The following RBFOX1 variants were observed in gnomAD, a reference collection of about 807,000 sequenced individuals.
RBFOX1 encodes RNA binding protein fox-1 homolog 1.
RBFOX1 carries 8 observed loss-of-function variants against 57.7 expected under a neutral mutation model. The ratio of observed to expected loss-of-function variants is 0.14; its 90% CI spans 0.08 to 0.25. The LOEUF (loss-of-function observed/expected upper bound fraction) is 0.25, where lower values mean the gene tolerates loss of function less well. RBFOX1 is among the 10% of genes least tolerant of loss of function. The probability of loss-of-function intolerance (pLI) is 1.00; values close to 1 mark genes in which losing one functional copy is unlikely to be tolerated. For synonymous variants in RBFOX1, 326 were observed against 222.4 expected (o/e 1.47, Z -4.15); for missense variants, 611 against 548.5 (o/e 1.11, Z -1.14).
intron 4 of RBFOX1, among the ~76,000 whole-genome samples, chr16:5,966,729 T>G (rs930670854): frequency 1.3e-5 from 2 of 152,090 alleles, no homozygotes; most frequent in Non-Finnish European, 2.9e-5. Flanking sequence ...GCTAAAATCA[T>G]TCACAAGAAA....
intron 2 of RBFOX1, among the ~76,000 whole-genome samples, chr16:5,526,490 T>C (rs1162338521): frequency 6.6e-6 from 1 of 152,124 alleles, no homozygotes; most frequent in Admixed American, 6.6e-5. Flanking sequence ...GGTTTTACCA[T>C]GTTGACCAGG....
At chr16:6,525,879 C>A (rs1488059790) in intron 2 of RBFOX1, among the ~76,000 whole-genome samples, 1 of 151,998 alleles carries the variant, frequency 6.6e-6, no homozygotes, top group East Asian at 1.9e-4. Context: ...GAAGTAGACA[C>A]AAACATTCAG....
At chr16:7,416,443 G>T (rs1423393077) in intron 4 of RBFOX1, among the ~76,000 whole-genome samples, 10 of 152,146 alleles carry the variant, frequency 6.6e-5, no homozygotes, top group Admixed American at 5.9e-4. Flanking sequence ...CCCAACCTCT[G>T]CTGATTGTTA....
At chr16:6,214,805 G>C (rs2097323613) in intron 1 of RBFOX1, among the ~76,000 whole-genome samples, 1 of 100,768 alleles carries the variant, frequency 9.9e-6, no homozygotes, top group South Asian at 4.9e-4. Flanking sequence ...GAGGGAGAGG[G>C]ACAGGGAGAG....
At chr16:7,513,231 C>A (rs969359702) in intron 4 of RBFOX1, among the ~76,000 whole-genome samples, 1 of 151,640 alleles carries the variant, frequency 6.6e-6, no homozygotes, top group Non-Finnish European at 1.5e-5. Flanking sequence ...CCATTGCACT[C>A]CAGCTTGGGT....
chr16:6,744,099 T>A (rs1221770356), intron 3 of RBFOX1, among the ~76,000 whole-genome samples: 1 of 152,068 alleles, frequency 6.6e-6, no homozygotes, highest in African/African-American at 2.4e-5. Context: ...TATACTGATA[T>A]CACACAAATA....
chr16:5,782,847 AGAT>A (rs1367384842), intron 3 of RBFOX1, among the ~76,000 whole-genome samples: 2 of 152,202 alleles, frequency 1.3e-5, no homozygotes, highest in Non-Finnish European at 2.9e-5. Context: ...GGGTATGAGA[AGAT>A]GAACTGAGAT....
rs2084023613 is a variant in RBFOX1 at position 7,711,691 on chromosome 16, G to C, written c.*946G>C. On this transcript the variant is annotated 3_prime_UTR_variant, in exon 16 of 16. Transcript: ENST00000550418. ...GTATAAAATTTACATCTGTGCAGTGGAGTTGTTAAGTTCTAGAAACAGTCT... is the reference window on the plus strand; with the variant it reads ...GTATAAAATTTACATCTGTGCAGTGCAGTTGTTAAGTTCTAGAAACAGTCT... 2 of 152,542 alleles carry C rather than the reference G, an allele frequency of 1.3e-5. No homozygotes were observed. Among genetic ancestry groups the C allele is most frequent in the South Asian group, 2.1e-4 (1 of 4,816 alleles). 9.4% of individuals were successfully genotyped at this position (152,542 alleles called of 1,614,324 possible). A position where few individuals can be genotyped will look rare whatever the true frequency, so the allele number is the denominator to read the frequency against.
At chr16:7,246,938 G>A (rs1315621787) in intron 4 of RBFOX1, among the ~76,000 whole-genome samples, 1 of 151,926 alleles carries the variant, frequency 6.6e-6, no homozygotes, top group African/African-American at 2.4e-5. Context: ...TTTACGACAG[G>A]GATGAGAACA....
intron 3 of RBFOX1, among the ~76,000 whole-genome samples, chr16:6,794,380 C>G (rs776600560): frequency 1.4e-5 from 2 of 148,070 alleles, no homozygotes; most frequent in Admixed American, 6.8e-5. Flanking sequence ...CTTAACTACA[C>G]TCTTTGAAAA....
intron 3 of RBFOX1, among the ~76,000 whole-genome samples, chr16:7,039,366 C>G (rs1256541365): frequency 6.6e-6 from 1 of 152,216 alleles, no homozygotes; most frequent in Non-Finnish European, 1.5e-5. Context: ...AGATAATGGT[C>G]TTCCCCAAGG....
intron 3 of RBFOX1, among the ~76,000 whole-genome samples, chr16:6,856,119 T>TA (rs552938704): frequency 6.3e-4 from 95 of 151,870 alleles, no homozygotes; most frequent in Non-Finnish European, 1.1e-3. Context: ...TTCTTCCCTT[T>TA]CCTTCCCTTC....
chr16:5,243,226 C>G lies in RBFOX1; in HGVS notation c.219+3121C>G, dbSNP rs183715466. Reference sequence around the variant, plus strand: ...TTATCAACCTTAACCATTTGTTGAGCCTTCCCCAAGACCAGGCACCTCGGC... The same window carrying G: ...TTATCAACCTTAACCATTTGTTGAGGCTTCCCCAAGACCAGGCACCTCGGC... On this transcript the variant is annotated intron_variant, in intron 1 of 2. Transcript: ENST00000585867. Among the ~76,000 whole-genome samples the G allele has an allele frequency of 2.0e-4, 31 of 152,248 alleles. No homozygotes were observed. In the East Asian group the frequency reaches 4.8e-3, roughly 24 times the overall value.
At chr16:6,049,319 C>G (rs922839307) in intron 1 of RBFOX1, among the ~76,000 whole-genome samples, 1 of 87,886 alleles carries the variant, frequency 1.1e-5, no homozygotes, top group South Asian at 3.5e-4. Context: ...CCACCTCAGT[C>G]TCCTTTAAAA....
intron 2 of RBFOX1, among the ~76,000 whole-genome samples, chr16:5,577,014 T>G (rs951457215): frequency 8.5e-5 from 13 of 152,218 alleles, no homozygotes; most frequent in African/African-American, 3.1e-4. Flanking sequence ...GAGGCCCTTT[T>G]CCTCCTCTGC....
At chr16:7,333,121 A>T (rs775612606) in intron 4 of RBFOX1, 1 of 1,584,686 alleles carries the variant, frequency 6.3e-7, no homozygotes, top group South Asian at 1.1e-5. Flanking sequence ...CAGCAACTTA[A>T]CTCCAGAGTG....
At chr16:7,500,079 C>A (rs2070191193) in intron 4 of RBFOX1, among the ~76,000 whole-genome samples, 1 of 152,148 alleles carries the variant, frequency 6.6e-6, no homozygotes. Flanking sequence ...CTGGGCTCAG[C>A]ATTCAATCAG....
chr16:6,173,722 G>T (rs553147477), intron 1 of RBFOX1, among the ~76,000 whole-genome samples: 1 of 141,930 alleles, frequency 7.0e-6, no homozygotes, highest in Non-Finnish European at 1.5e-5. Context: ...TGATTCTCCC[G>T]CCTGAACCTC....
At chr16:6,230,514 C>T (rs1024151389) in intron 1 of RBFOX1, among the ~76,000 whole-genome samples, 1 of 152,130 alleles carries the variant, frequency 6.6e-6, no homozygotes, top group Non-Finnish European at 1.5e-5. Flanking sequence ...CTGCATCAAA[C>T]CGCCCCAAAG....
Sources: allele counts gnomAD v4.1 joint callset (sites outside exome capture counted in the v4.1 genomes callset), GRCh38; gene constraint gnomAD v4.1.1; transcripts MANE v1.5; gene names NCBI Gene and HGNC (gene_info 2026-07-23, HGNC 2026-07-21).